Variants in FOS observed in about 807,000 individuals in gnomAD.
The protein encoded by FOS is protein c-Fos.
In FOS, 9 loss-of-function variants were observed where a neutral mutation model predicts 27.2. The ratio of observed to expected loss-of-function variants is 0.33; its 90% confidence interval spans 0.20 to 0.58. FOS has a LOEUF of 0.58. FOS is among the 20% of genes least tolerant of loss of function. FOS has a pLI of 0.87. For synonymous variants in FOS, 213 were observed against 205.1 expected (o/e 1.04, Z -0.33); for missense variants, 405 against 483.5 (o/e 0.84, Z 1.52).
rs750949764 is a variant in FOS at position 75,280,958 on chromosome 14, G to A, written c.677G>A (p.Gly226Asp). The change falls in exon 4 of 4, where the codon GGC (glycine) becomes GAC (aspartate). Residue 226 changes from glycine (G) to aspartate (D), a missense_variant. Coordinates refer to ENST00000303562, the MANE Select transcript of FOS (RefSeq NM_005252.4). ...MSVASLDLTG[G>D]LPEVATPESE... is the part of the protein sequence containing the mutation. ...GTGGCTTCCCTTGATCTGACTGGGGGCCTGCCAGAGGTTGCCACCCCGGAG... is the reference window on the plus strand; with the variant it reads ...GTGGCTTCCCTTGATCTGACTGGGGACCTGCCAGAGGTTGCCACCCCGGAG... The A allele has an allele frequency of 1.2e-6, 2 of 1,614,042 alleles. No individual in the cohort carries two copies. The highest frequency in any genetic ancestry group is 1.3e-5 in the African/African-American group (1 of 74,926).
rs1897207496 is a variant in FOS, at chr14:75,279,955, C to A, written c.220C>A (p.Gln74Lys). ...TGCCATCTCGACCAGTCCGGACCTG[C>A]AGTGGCTGGTGCAGCCCGCCCTCGT... ...VTAISTSPDL[Q>K]WLVQPALVSS... The change falls in exon 2 of 4, where the codon CAG becomes AAG. Residue 74 changes from glutamine to lysine, a missense_variant. Physicochemically the swap from Gln to Lys is moderately conservative, Grantham distance 53. Transcript: ENST00000303562. The surrounding 1 kb of genome is among the most constrained non-coding windows in gnomAD (Gnocchi z 5.4). 1 of 1,614,088 alleles carries A rather than the reference C, an allele frequency of 6.2e-7. No individual in the cohort carries two copies. Among genetic ancestry groups the A allele is most frequent in the East Asian group, 2.2e-5 (1 of 44,898 alleles).
Position 75,280,664 on chromosome 14 carries a change from A to G in FOS, c.498A>G (p.Gln166=), listed in dbSNP as rs1286887056. The change falls in exon 3 of 4, where the codon CAA becomes CAG. Residue 166 remains glutamine (Q), a synonymous_variant. Transcript: ENST00000303562. ...NRRRELTDTL[Q]AETDQLEDEK... ...GGAGGGAGCTGACTGATACACTCCA[A>G]GCGGTAGGTACTCTGTGGGTTGCTC... 4 of 1,613,146 alleles carry G rather than the reference A, an allele frequency of 2.5e-6. No homozygotes were observed. The African/African-American group carries it at 5.4e-5, about 22-fold the overall frequency.
Position 75,279,126 on chromosome 14 carries a change from A to T in FOS, c.141+3A>T. On this transcript the variant is annotated splice_donor_region_variant and intron_variant, in intron 1 of 3. Coordinates refer to ENST00000303562, the MANE Select transcript of FOS (RefSeq NM_005252.4). This position sits in a 1 kb window ranked among gnomAD's most constrained non-coding sequence, Gnocchi z 5.4. ...TGGGCTCGCCTGTCAACGCGCAGGT[A>T]AGGCTGGCTTCCCGTCGCCGCGGGG... 2 of 1,612,808 alleles carry T rather than the reference A, an allele frequency of 1.2e-6. No homozygotes were observed. The highest frequency in any genetic ancestry group is 1.7e-6 in the Non-Finnish European group (2 of 1,179,814).
At chr14:75,280,401 G>A in intron 2 of FOS, 159 bp from the exon 3 acceptor site, 1 of 694,102 alleles carries the variant, frequency 1.4e-6, no homozygotes, top group East Asian at 2.7e-5. Context: ...TATTTTAAAT[G>A]CAAGTCACAC....
Position 75,281,581 on chromosome 14 carries a change from C to A in FOS, c.*157C>A. The A allele has an allele frequency of 1.3e-6, 1 of 771,028 alleles. No individual in the cohort carries two copies. The highest frequency in any genetic ancestry group is 2.0e-6 in the Non-Finnish European group (1 of 491,694). 47.8% of individuals were successfully genotyped at this position (771,028 alleles called of 1,614,324 possible). On this transcript the variant is annotated 3_prime_UTR_variant, in exon 4 of 4. Coordinates refer to ENST00000303562, the MANE Select transcript of FOS (RefSeq NM_005252.4). This position sits in a 1 kb window ranked among gnomAD's most constrained non-coding sequence, Gnocchi z 4.7. ...CACACCAGGCTGTGGGCCTCAAGGA[C>A]TTGAAAGCATCCATGTGTGGACTCA... is the stretch of plus-strand genomic sequence containing the variant.
At position 75,280,975 on chromosome 14, in the gene FOS, A is replaced by C. The variant is rs1594902450; in HGVS notation, c.694A>C (p.Thr232Pro). Residue 232 changes from threonine to proline, a missense_variant, in exon 4 of 4, where the codon ACC (threonine) becomes CCC (proline). Coordinates refer to ENST00000303562, the MANE Select transcript of FOS (RefSeq NM_005252.4). ...GACTGGGGGCCTGCCAGAGGTTGCCACCCCGGAGTCTGAGGAGGCCTTCAC... is the reference window on the plus strand; with the variant it reads ...GACTGGGGGCCTGCCAGAGGTTGCCCCCCCGGAGTCTGAGGAGGCCTTCAC... ...DLTGGLPEVATPESEEAFTLP... is the reference protein window; with the variant it reads ...DLTGGLPEVAPPESEEAFTLP... The C allele has an allele frequency of 6.2e-7, 1 of 1,614,076 alleles. No homozygotes were observed. The highest frequency in any genetic ancestry group is 8.5e-7 in the Non-Finnish European group (1 of 1,180,016).
At position 75,278,860 on chromosome 14, in the gene FOS, A is replaced by G. The variant is rs1897191887; in HGVS notation, c.-123A>G. ...TCTGCAGCGAGCATCTGAGAAGCCA[A>G]GACTGAGCCGGCGGCCGCGGCGCAG... On this transcript the variant is annotated 5_prime_UTR_variant, in exon 1 of 4. Coordinates refer to ENST00000303562, the MANE Select transcript of FOS (RefSeq NM_005252.4). The surrounding 1 kb of genome is among the most constrained non-coding windows in gnomAD (Gnocchi z 4.1). 2 of 1,203,718 alleles carry G rather than the reference A, an allele frequency of 1.7e-6. No homozygotes were observed. The highest frequency in any genetic ancestry group is 1.9e-4 in the Middle Eastern group (1 of 5,182). 74.6% of individuals were successfully genotyped at this position (1,203,718 alleles called of 1,614,324 possible). A position where few individuals can be genotyped will look rare whatever the true frequency, so the allele number is the denominator to read the frequency against.
intron 2 of FOS, 67 bp from the exon 3 acceptor site, chr14:75,280,493 G>C: frequency 7.8e-7 from 1 of 1,273,966 alleles, no homozygotes. Context: ...GTTCTACTGG[G>C]GTGGGTGAAT....
rs1362562579 is a variant in FOS at position 75,281,051 on chromosome 14, A to T, written c.770A>T (p.Lys257Met). Residue 257 changes from lysine to methionine, a missense_variant, in exon 4 of 4, where the codon AAG (lysine) becomes ATG (methionine). Coordinates refer to ENST00000303562, the MANE Select transcript of FOS (RefSeq NM_005252.4). The surrounding 1 kb of genome is among the most constrained non-coding windows in gnomAD (Gnocchi z 4.7). ...CCCAAGCCCTCAGTGGAACCTGTCA[A>T]GAGCATCAGCAGCATGGAGCTGAAG... The part of the protein sequence containing the change: ...PEPKPSVEPV[K>M]SISSMELKTE... The T allele has an allele frequency of 6.2e-7, 1 of 1,613,314 alleles. No homozygotes were observed. Among genetic ancestry groups the T allele is most frequent in the East Asian group, 2.2e-5 (1 of 44,882 alleles).
chr14:75,279,536 A>C lies in FOS; in HGVS notation c.142-341A>C. 6.8e-6 allele frequency: 3 copies of C among 442,286 alleles called. No homozygotes were observed. In the South Asian group the frequency reaches 8.1e-5, roughly 12 times the overall value. The allele number at this position is 442,286 out of a possible 1,614,324, so 27.4% of individuals were successfully genotyped here. A position where few individuals can be genotyped will look rare whatever the true frequency, so the allele number is the denominator to read the frequency against. Reference sequence around the variant, plus strand: ...GGAGGGTGCAGCGGGCGGGTGTGTAAGGCAGTTTCATTGATAAAAAGCGAG... The same window carrying C: ...GGAGGGTGCAGCGGGCGGGTGTGTACGGCAGTTTCATTGATAAAAAGCGAG... On this transcript the variant is annotated intron_variant, in intron 1 of 3. Transcript: ENST00000303562. This position sits in a 1 kb window ranked among gnomAD's most constrained non-coding sequence, Gnocchi z 5.4.
chr14:75,281,062 A>G lies in FOS; in HGVS notation c.781A>G (p.Ser261Gly). ...PSVEPVKSIS[S>G]MELKTEPFDD... ...AGTGGAACCTGTCAAGAGCATCAGC[A>G]GCATGGAGCTGAAGACCGAGCCCTT... The change falls in exon 4 of 4, where the codon AGC (serine) becomes GGC (glycine). Residue 261 changes from serine (S) to glycine (G), a missense_variant. Ser to Gly is a moderately conservative substitution (Grantham distance 56). Coordinates refer to ENST00000303562, the MANE Select transcript of FOS (RefSeq NM_005252.4). The surrounding 1 kb of genome is among the most constrained non-coding windows in gnomAD (Gnocchi z 4.7). 1 of 1,612,734 alleles carries G rather than the reference A, an allele frequency of 6.2e-7. No homozygotes were observed. Among genetic ancestry groups the G allele is most frequent in the Non-Finnish European group, 8.5e-7 (1 of 1,180,012 alleles).
In FOS at chr14:75,279,729, C is replaced by A. The variant is rs376921407; in HGVS notation, c.142-148C>A. ...AATGCCTGGGAGGAAAAGGGGGAGACCTTTCATCCAGGATGAGGGACATTT... is the reference window on the plus strand; with the variant it reads ...AATGCCTGGGAGGAAAAGGGGGAGAACTTTCATCCAGGATGAGGGACATTT... On this transcript the variant is annotated intron_variant, in intron 1 of 3. Coordinates refer to ENST00000303562, the MANE Select transcript of FOS (RefSeq NM_005252.4). The surrounding 1 kb of genome is among the most constrained non-coding windows in gnomAD (Gnocchi z 5.4). 4.0e-5 allele frequency: 37 copies of A among 920,288 alleles called. No individual in the cohort carries two copies. In the African/African-American group the frequency reaches 5.0e-4, roughly 12 times the overall value. 57.0% of individuals were successfully genotyped at this position (920,288 alleles called of 1,614,324 possible).
Position 75,279,784 on chromosome 14 carries a change from C to A in FOS, c.142-93C>A. ...TGAAATGTCCGTGGCAGGATCGTTT[C>A]TCTTCACTGCTGCATGCGGCACTGG... On this transcript the variant is annotated intron_variant, in intron 1 of 3. Transcript: ENST00000303562. The surrounding 1 kb of genome is among the most constrained non-coding windows in gnomAD (Gnocchi z 5.4). 1 of 1,397,710 alleles carries A rather than the reference C, an allele frequency of 7.2e-7. No homozygotes were observed. Among genetic ancestry groups the A allele is most frequent in the Non-Finnish European group, 9.8e-7 (1 of 1,025,398 alleles). 86.6% of individuals were successfully genotyped at this position (1,397,710 alleles called of 1,614,324 possible).
rs754968897 is a variant in FOS, at chr14:75,280,553, A to G, written c.394-7A>G. On this transcript the variant is annotated splice_region_variant and splice_polypyrimidine_tract_variant and intron_variant, in intron 2 of 3. Transcript: ENST00000303562. ...TGAATGTCGGTCTTTTTTTGTGATT[A>G]TTCTAGTTATCTCCAGAAGAAGAAG... 1 of 1,606,888 alleles carries G rather than the reference A, an allele frequency of 6.2e-7. No homozygotes were observed. The highest frequency in any genetic ancestry group is 2.2e-5 in the East Asian group (1 of 44,824).
chr14:75,281,451 C>A lies in FOS; in HGVS notation c.*27C>A. On this transcript the variant is annotated 3_prime_UTR_variant, in exon 4 of 4. Coordinates refer to ENST00000303562, the MANE Select transcript of FOS (RefSeq NM_005252.4). The surrounding 1 kb of genome is among the most constrained non-coding windows in gnomAD (Gnocchi z 4.7). ...GGGGCAGGGAAGGGGAGGCAGCCGGCACCCACAAGTGCCACTGCCCGAGCT... is the reference window on the plus strand; with the variant it reads ...GGGGCAGGGAAGGGGAGGCAGCCGGAACCCACAAGTGCCACTGCCCGAGCT... The A allele has an allele frequency of 1.2e-6, 2 of 1,601,596 alleles. No homozygotes were observed. Among genetic ancestry groups the A allele is most frequent in the South Asian group, 1.1e-5 (1 of 90,372 alleles).
chr14:75,280,489 C>G (rs1897214999), intron 2 of FOS, 71 bp from the exon 3 acceptor site: 1 of 1,247,940 alleles, frequency 8.0e-7, no homozygotes, highest in Non-Finnish European at 1.1e-6. Context: ...GCCAGTTCTA[C>G]TGGGGTGGGT....
Position 75,279,057 on chromosome 14 carries a change from T to C in FOS, c.75T>C (p.Asp25=), listed in dbSNP as rs766480635. The C allele has an allele frequency of 1.2e-6, 2 of 1,613,712 alleles. No individual in the cohort carries two copies. The highest frequency in any genetic ancestry group is 1.7e-6 in the Non-Finnish European group (2 of 1,179,918). The change falls in exon 1 of 4, where the codon GAT becomes GAC. Residue 25 remains aspartate, a synonymous_variant. Transcript: ENST00000303562. The surrounding 1 kb of genome is among the most constrained non-coding windows in gnomAD (Gnocchi z 5.4). ...SRCSSASPAG[D]SLSYYHSPAD... is the part of the protein sequence containing the mutation. Reference sequence around the variant, plus strand: ...GCAGCAGCGCGTCCCCGGCCGGGGATAGCCTCTCTTACTACCACTCACCCG... The same window carrying C: ...GCAGCAGCGCGTCCCCGGCCGGGGACAGCCTCTCTTACTACCACTCACCCG...
Position 75,279,347 on chromosome 14 carries a change from A to ATACG in FOS, c.141+224_141+225insTACG. 1.6e-6 allele frequency: 1 copy of ATACG among 615,024 alleles called. No homozygotes were observed. Among genetic ancestry groups the ATACG allele is most frequent in the Non-Finnish European group, 2.8e-6 (1 of 353,866 alleles). The allele number at this position is 615,024 out of a possible 1,614,324, so 38.1% of individuals were successfully genotyped here. A position where few individuals can be genotyped will look rare whatever the true frequency, so the allele number is the denominator to read the frequency against. On this transcript the variant is annotated intron_variant, in intron 1 of 3. Coordinates refer to ENST00000303562, the MANE Select transcript of FOS (RefSeq NM_005252.4). The surrounding 1 kb of genome is among the most constrained non-coding windows in gnomAD (Gnocchi z 5.4). ...CCCTTCGGGAGGCAGGTTCGTTCTGAGCAACCTCTGGTCTGCACTCCAGGA... is the reference window on the plus strand; with the variant it reads ...CCCTTCGGGAGGCAGGTTCGTTCTGATACGGCAACCTCTGGTCTGCACTCCAGGA...
intron 2 of FOS, 162 bp downstream of exon 2, chr14:75,280,290 C>G (rs761787872): frequency 1.1e-6 from 1 of 918,566 alleles, no homozygotes; most frequent in Non-Finnish European, 1.7e-6. Flanking sequence ...CCAACTCAGA[C>G]TCTGAGTCTC....
Sources: gnomAD v4.1 joint callset for allele counts on GRCh38, gnomAD v4.1.1 for gene constraint, Gnocchi (gnomAD v3.1) non-coding constraint, MANE v1.5 for transcripts, NCBI Gene and HGNC (gene_info 2026-07-23, HGNC 2026-07-21) for gene names.